Variants in BMP6 observed in about 807,000 individuals in gnomAD.
BMP6 encodes VG-1-R.
Under a neutral mutation model 54.1 loss-of-function variants are expected in BMP6, and 17 were observed. The observed-to-expected ratio is 0.31, with a 90% CI of 0.22 to 0.47. BMP6 has a LOEUF of 0.47. Ranked by LOEUF, BMP6 falls within the 20% of genes least tolerant of loss-of-function variation. BMP6 has a pLI of 1.00. For missense variants in BMP6, 720 were observed against 690.4 expected (o/e 1.04, Z -0.48); for synonymous variants, 328 against 291.2 (o/e 1.13, Z -1.28).
intron 1 of BMP6, among the ~76,000 whole-genome samples, chr6:7,799,484 A>C (rs1363749790): frequency 6.6e-6 from 1 of 152,206 alleles, no homozygotes; most frequent in Non-Finnish European, 1.5e-5. Flanking sequence ...ACTGAATGTT[A>C]GTGTGCCAGT....
chr6:7,875,030 G>T (rs917199446), intron 4 of BMP6, among the ~76,000 whole-genome samples: 1 of 152,144 alleles, frequency 6.6e-6, no homozygotes, highest in African/African-American at 2.4e-5. Context: ...GGAGAACCAG[G>T]AAAGCTGGTG....
intron 1 of BMP6, among the ~76,000 whole-genome samples, chr6:7,800,676 T>C (rs1758255879): frequency 6.6e-6 from 1 of 152,236 alleles, no homozygotes; most frequent in Non-Finnish European, 1.5e-5. Context: ...TATTTACTTC[T>C]AGTTATCCTG....
intron 1 of BMP6, among the ~76,000 whole-genome samples, chr6:7,777,312 C>G (rs1209466724): frequency 6.6e-6 from 1 of 152,238 alleles, no homozygotes; most frequent in Non-Finnish European, 1.5e-5. Context: ...CGTGCACATT[C>G]AGGCACATAC....
chr6:7,736,875 A>C (rs530843439), intron 1 of BMP6, among the ~76,000 whole-genome samples: 21 of 152,142 alleles, frequency 1.4e-4, no homozygotes, highest in Admixed American at 3.9e-4. Flanking sequence ...CTGCTCCCTT[A>C]CAGAGGAAAC....
chr6:7,736,881 G>A (rs1014794106), intron 1 of BMP6, among the ~76,000 whole-genome samples: 2 of 152,052 alleles, frequency 1.3e-5, no homozygotes, highest in Admixed American at 6.5e-5. Context: ...CCTTACAGAG[G>A]AAACCTCTTA....
At chr6:7,858,968 G>C (rs1344445789) in intron 2 of BMP6, among the ~76,000 whole-genome samples, 1 of 151,968 alleles carries the variant, frequency 6.6e-6, no homozygotes, top group African/African-American at 2.4e-5. Flanking sequence ...GTGTGCCACA[G>C]AACAACGCAA....
intron 1 of BMP6, among the ~76,000 whole-genome samples, chr6:7,843,235 A>T (rs1759004668): frequency 6.6e-6 from 1 of 151,932 alleles, no homozygotes; most frequent in Admixed American, 6.6e-5. Flanking sequence ...GCTTTTACAG[A>T]AGCCAAAGCT....
chr6:7,734,662 T>C lies in BMP6; in HGVS notation c.664+7043T>C, dbSNP rs554065917. On this transcript the variant is annotated intron_variant, in intron 1 of 6. Transcript: ENST00000283147. ...CAAAGAATTGTTTTCTGCTCCGAAA[T>C]TGAGTTGAAAACCACGTTGCTCTGA... 3.9e-5 allele frequency among the ~76,000 whole-genome samples: 6 copies of C among 152,316 alleles called. No homozygotes were observed. The South Asian group carries it at 1.0e-3, about 26-fold the overall frequency.
At chr6:7,813,780 C>T (rs1439049636) in intron 1 of BMP6, among the ~76,000 whole-genome samples, 1 of 151,654 alleles carries the variant, frequency 6.6e-6, no homozygotes, top group Non-Finnish European at 1.5e-5. Flanking sequence ...TTTTGAATAC[C>T]TGAGTTGGAA....
At chr6:7,753,655 T>C (rs1274327972) in intron 1 of BMP6, among the ~76,000 whole-genome samples, 1 of 152,212 alleles carries the variant, frequency 6.6e-6, no homozygotes, top group African/African-American at 2.4e-5. Flanking sequence ...AGACTTTGCC[T>C]AGAAATCTAC....
In BMP6 at chr6:7,727,138, GTCC is replaced by G; in HGVS notation, c.189_191del (p.Ser64del). ...CGGAGCAGCCGCCGCCGTCGCCGCAGTCCTCCTCGGGCTTCCTGTACCGGCGGC... is the reference window on the plus strand; with the variant it reads ...CGGAGCAGCCGCCGCCGTCGCCGCAGTCCTCGGGCTTCCTGTACCGGCGGC... On this transcript the variant is annotated inframe_deletion, in exon 1 of 7. Transcript: ENST00000283147. The G allele has an allele frequency of 6.4e-7, 1 of 1,559,310 alleles. No homozygotes were observed. The highest frequency in any genetic ancestry group is 1.2e-5 in the South Asian group (1 of 85,432).
intron 1 of BMP6, among the ~76,000 whole-genome samples, chr6:7,813,148 T>TAA (rs1554122665): frequency 2.1e-5 from 2 of 94,294 alleles, no homozygotes; most frequent in East Asian, 3.6e-4. Context: ...TATATATATA[T>TAA]AAAATTAGTG....
chr6:7,829,266 TTC>T lies in BMP6; in HGVS notation c.665-15862_665-15861del, dbSNP rs201235942. Among the ~76,000 whole-genome samples, 15 of 151,994 alleles carry T rather than the reference TTC, an allele frequency of 9.9e-5. No homozygotes were observed. In the South Asian group the frequency reaches 3.1e-3, roughly 32 times the overall value. On this transcript the variant is annotated intron_variant, in intron 1 of 6. Coordinates refer to ENST00000283147, the MANE Select transcript of BMP6 (RefSeq NM_001718.6). ...ATTTTGTGGATTTTTTATGTATGTC[TTC>T]TCTCTCTCTCTGTCTTTCCTTCCTT...
chr6:7,743,716 T>C (rs1757303457), intron 1 of BMP6, among the ~76,000 whole-genome samples: 1 of 152,124 alleles, frequency 6.6e-6, no homozygotes, highest in African/African-American at 2.4e-5. Flanking sequence ...ATGACCGGGG[T>C]AGCCCTGTTA....
intron 1 of BMP6, among the ~76,000 whole-genome samples, chr6:7,836,123 C>G (rs755711804): frequency 6.6e-6 from 1 of 152,088 alleles, no homozygotes. Context: ...CCCGTGTGAG[C>G]CACTGCGCCC....
At chr6:7,854,495 CATGTTTA>C (rs1030409664) in intron 2 of BMP6, among the ~76,000 whole-genome samples, 11 of 152,208 alleles carry the variant, frequency 7.2e-5, no homozygotes, top group Non-Finnish European at 1.6e-4. Context: ...TTGCATGTCA[CATGTTTA>C]AAAGGTAGCG....
intron 2 of BMP6, 22 bp from the exon 3 acceptor site, chr6:7,861,429 G>A: frequency 6.2e-7 from 1 of 1,613,094 alleles, no homozygotes; most frequent in Non-Finnish European, 8.5e-7. Context: ...CTATTTACCA[G>A]GCCATTTTTT....
intron 1 of BMP6, among the ~76,000 whole-genome samples, chr6:7,837,952 C>A (rs1447955510): frequency 6.6e-6 from 1 of 152,056 alleles, no homozygotes; most frequent in Admixed American, 6.6e-5. Context: ...ACACCAGAAT[C>A]AAATGACTCT....
intron 1 of BMP6, among the ~76,000 whole-genome samples, chr6:7,762,736 A>T (rs1474358160): frequency 6.6e-6 from 1 of 152,236 alleles, no homozygotes; most frequent in Non-Finnish European, 1.5e-5. Context: ...GTGTGTGTCC[A>T]CGCATTTTAA....
Sources: gnomAD v4.1 joint callset for allele counts (sites outside exome capture counted in the v4.1 genomes callset) on GRCh38, gnomAD v4.1.1 for gene constraint, MANE v1.5 for transcripts, NCBI Gene and HGNC (gene_info 2026-07-23, HGNC 2026-07-21) for gene names.